ZBTB16: variants seen among roughly 807,000 people sequenced by gnomAD.
The protein encoded by ZBTB16 is zinc finger and BTB domain-containing protein 16.
Under a neutral mutation model 56.8 loss-of-function variants are expected in ZBTB16, and 8 were observed. The observed-to-expected ratio is 0.14, with a 90% confidence interval of 0.08 to 0.25. ZBTB16 has a LOEUF of 0.25. Among genes scored for constraint, ZBTB16 ranks in the 10% least tolerant of loss-of-function variants. The pLI is 1.00. For synonymous variants in ZBTB16, 363 were observed against 368.5 expected, an observed-to-expected ratio of 0.98 and a Z score of 0.17; for missense variants, 625 against 903.0, an observed-to-expected ratio of 0.69 and a Z score of 3.95.
chr11:114,126,150 A>G (rs764133054), intron 2 of ZBTB16, among the ~76,000 whole-genome samples: 40 of 152,286 alleles, frequency 2.6e-4, no homozygotes, highest in Admixed American at 5.9e-4. Context: ...TCTGGCACTG[A>G]GACTTTTGCT....
At chr11:114,141,351 C>G (rs1459585389) in intron 2 of ZBTB16, among the ~76,000 whole-genome samples, 1 of 152,236 alleles carries the variant, frequency 6.6e-6, no homozygotes, top group African/African-American at 2.4e-5. Flanking sequence ...TGTTGATCTG[C>G]TCCTCTTCTG....
rs1173004161 is a variant in ZBTB16 at position 114,063,409 on chromosome 11, G to A, written c.109G>A (p.Val37Ile). 3 of 1,614,148 alleles carry A rather than the reference G, an allele frequency of 1.9e-6. No homozygotes were observed. The East Asian group carries it at 6.7e-5, about 36-fold the overall frequency. Residue 37 changes from valine to isoleucine, a missense_variant, in exon 2 of 7, where the codon GTC becomes ATC. Physicochemically the swap from Val to Ile is conservative, Grantham distance 29. Transcript: ENST00000335953. The surrounding 1 kb of genome is among the most constrained non-coding windows in gnomAD (Gnocchi z 6.5). ...GCTGGCCGGGACTTTGTGCGATGTG[G>A]TCATCATGGTGGACAGCCAGGAGTT... ...MRLAGTLCDV[V>I]IMVDSQEFHA... is the part of the protein sequence containing the mutation.
At chr11:114,174,554 G>A (rs564557330) in intron 3 of ZBTB16, among the ~76,000 whole-genome samples, 1 of 152,252 alleles carries the variant, frequency 6.6e-6, no homozygotes, top group African/African-American at 2.4e-5. Flanking sequence ...GGTGGCATGA[G>A]CCTCCTAGCA....
intron 2 of ZBTB16, among the ~76,000 whole-genome samples, chr11:114,130,600 G>T (rs1015447550): frequency 2.0e-5 from 3 of 152,220 alleles, no homozygotes; most frequent in African/African-American, 7.2e-5. Context: ...CAGTCCCTAG[G>T]CTTGCAGTGG....
At chr11:114,155,227 G>T (rs951326142) in intron 2 of ZBTB16, among the ~76,000 whole-genome samples, 3 of 152,360 alleles carry the variant, frequency 2.0e-5, no homozygotes, top group South Asian at 4.1e-4. Flanking sequence ...TGTCCTGAGG[G>T]CCAAGGCCCC....
intron 3 of ZBTB16, among the ~76,000 whole-genome samples, chr11:114,168,001 C>A (rs1020393938): frequency 2.0e-5 from 3 of 152,220 alleles, no homozygotes; most frequent in Admixed American, 1.3e-4. Context: ...TCCATCTGAT[C>A]GCTCTTAGCC....
intron 4 of ZBTB16, among the ~76,000 whole-genome samples, chr11:114,241,906 A>G (rs1352208241): frequency 3.3e-5 from 5 of 151,908 alleles, no homozygotes; most frequent in African/African-American, 1.2e-4. Flanking sequence ...GTTGCCCACT[A>G]CCCTTGCTGC....
chr11:114,083,877 C>G (rs972965225), intron 2 of ZBTB16, among the ~76,000 whole-genome samples: 2 of 152,100 alleles, frequency 1.3e-5, no homozygotes, highest in Non-Finnish European at 2.9e-5. Flanking sequence ...GCAGCAGTTT[C>G]TCTTCTATGA....
rs937088276 is a variant in ZBTB16, at chr11:114,143,343, G to C, written c.1269-12994G>C. Reference sequence around the variant, plus strand: ...TCATGTAGCTGCCCATCCAGCTGGAGAGACAGAGAAACAAGCAGATGCACC... The same window carrying C: ...TCATGTAGCTGCCCATCCAGCTGGACAGACAGAGAAACAAGCAGATGCACC... On this transcript the variant is annotated intron_variant, in intron 2 of 6. Transcript: ENST00000335953. The surrounding 1 kb of genome is among the most constrained non-coding windows in gnomAD (Gnocchi z 6.4). Among the ~76,000 whole-genome samples the C allele has an allele frequency of 5.3e-5, 8 of 152,110 alleles. No homozygotes were observed. The highest frequency in any genetic ancestry group is 1.9e-4 in the African/African-American group (8 of 41,418).
chr11:114,186,691 A>G (rs1943368525), intron 3 of ZBTB16, among the ~76,000 whole-genome samples: 1 of 152,022 alleles, frequency 6.6e-6, no homozygotes, highest in Non-Finnish European at 1.5e-5. Flanking sequence ...TCTAACTTGG[A>G]ACCCATTTCC....
intron 2 of ZBTB16, among the ~76,000 whole-genome samples, chr11:114,153,499 C>T (rs1013731865): frequency 6.6e-6 from 1 of 152,210 alleles, no homozygotes; most frequent in Non-Finnish European, 1.5e-5. Flanking sequence ...AAATGCATGA[C>T]AACAGAGTCA....
chr11:114,161,372 C>A (rs535204612), intron 3 of ZBTB16, among the ~76,000 whole-genome samples: 1 of 152,160 alleles, frequency 6.6e-6, no homozygotes, highest in Non-Finnish European at 1.5e-5. Flanking sequence ...TTAATAAGCA[C>A]GAATTGTGTG....
At chr11:114,219,788 AGGGGAGCTATTAGGCCT>A (rs1426465605) in intron 4 of ZBTB16, among the ~76,000 whole-genome samples, 2 of 152,152 alleles carry the variant, frequency 1.3e-5, no homozygotes, top group Non-Finnish European at 2.9e-5. Context: ...GGTGAGTTCA[AGGGGAGCTATTAGGCCT>A]GAGTTGCCTT....
intron 4 of ZBTB16, among the ~76,000 whole-genome samples, chr11:114,214,554 A>T (rs895753901): frequency 6.6e-6 from 1 of 152,048 alleles, no homozygotes; most frequent in South Asian, 2.1e-4. Flanking sequence ...TTGCTGGAGG[A>T]TTTAAAGTCT....
chr11:114,115,850 G>A (rs148645909), intron 2 of ZBTB16, among the ~76,000 whole-genome samples: 37 of 152,278 alleles, frequency 2.4e-4, no homozygotes, highest in African/African-American at 8.7e-4. Context: ...CCTGCAGTAG[G>A]GATCTCCATA....
chr11:114,237,534 CG>C (rs1331640176), intron 4 of ZBTB16, among the ~76,000 whole-genome samples: 1 of 152,184 alleles, frequency 6.6e-6, no homozygotes, highest in South Asian at 2.1e-4. Flanking sequence ...CCAGTGCTGC[CG>C]GGCCCCCCTG....
At position 114,068,369 on chromosome 11, in the gene ZBTB16, G is replaced by C. The variant is rs144583887; in HGVS notation, c.1268+3801G>C. Reference sequence around the variant, plus strand: ...CATGATTTGATCCCAAGCTGGTGTGGAGTGAAGGGTAAGCTGTTGGCTCAA... The same window carrying C: ...CATGATTTGATCCCAAGCTGGTGTGCAGTGAAGGGTAAGCTGTTGGCTCAA... On this transcript the variant is annotated intron_variant, in intron 2 of 6. Transcript: ENST00000335953. Among the ~76,000 whole-genome samples the C allele has an allele frequency of 3.8e-3, 581 of 152,298 alleles. 16 individuals are homozygous for C. Among genetic ancestry groups the C allele is most frequent in the Non-Finnish European group, 1.0e-3 (71 of 68,024 alleles).
Position 114,247,229 on chromosome 11 carries a change from C to T in ZBTB16, c.1656C>T (p.Gly552=), listed in dbSNP as rs1042011597. 1.9e-6 allele frequency: 3 copies of T among 1,614,144 alleles called. No homozygotes were observed. Among genetic ancestry groups the T allele is most frequent in the Admixed American group, 3.3e-5 (2 of 60,012 alleles). Residue 552 remains glycine (G), a synonymous_variant, in exon 6 of 7, where the codon GGC becomes GGT. Transcript: ENST00000335953. ...ACCCCTACGAGTGTGAGTTCTGTGG[C>T]AGCTGCTTCCGGGATGAGAGCACAC... ...GDHPYECEFC[G]SCFRDESTLK... is the part of the protein sequence containing the mutation.
chr11:114,217,476 A>T (rs1944131038), intron 4 of ZBTB16, among the ~76,000 whole-genome samples: 1 of 152,184 alleles, frequency 6.6e-6, no homozygotes, highest in African/African-American at 2.4e-5. Flanking sequence ...ACGTCCAGGC[A>T]TCTAGCTCGA....
Sources: gnomAD v4.1 joint callset for allele counts (sites outside exome capture counted in the v4.1 genomes callset) on GRCh38, gnomAD v4.1.1 for gene constraint, Gnocchi (gnomAD v3.1) non-coding constraint, MANE v1.5 for transcripts, NCBI Gene and HGNC (gene_info 2026-07-23, HGNC 2026-07-21) for gene names.